RYR1: variants seen among roughly 807,000 people sequenced by gnomAD.
The protein encoded by RYR1 is ryanodine receptor 1, also known as central core disease of muscle.
RYR1 carries 342 observed loss-of-function variants against 583.5 expected under a neutral mutation model. The ratio of observed to expected loss-of-function variants is 0.59; its 90% CI spans 0.54 to 0.64. The LOEUF (loss-of-function observed/expected upper bound fraction) is 0.64. RYR1 is among the 30% of genes least tolerant of loss of function. The pLI, the probability that RYR1 is intolerant of heterozygous loss-of-function variation, is 0.00. For missense variants in RYR1, 6,032 were observed against 6,917.2 expected (o/e 0.87, Z 4.54); for synonymous variants, 2,791 against 2,822.5 (o/e 0.99, Z 0.35).
chr19:38,529,948 G>T (rs1971656506), intron 76 of RYR1, among the ~76,000 whole-genome samples: 1 of 152,020 alleles, frequency 6.6e-6, no homozygotes, highest in Admixed American at 6.6e-5. Context: ...GGGAATGAAG[G>T]CACAGGGATT....
chr19:38,526,973 G>A lies in RYR1; in HGVS notation c.10627-20G>A. The A allele has an allele frequency of 6.2e-7, 1 of 1,613,716 alleles. No individual in the cohort carries two copies. Among genetic ancestry groups the A allele is most frequent in the Middle Eastern group, 1.7e-4 (1 of 6,036 alleles). ...AGGATGGGACCTCCAGAGTGACCCA[G>A]CCTGGCTCTGTCTCCCCAGAAAGAC... On this transcript the variant is annotated intron_variant, in intron 71 of 105. Transcript: ENST00000359596.
At position 38,457,665 on chromosome 19, in the gene RYR1, A is replaced by G. The variant is rs549728913; in HGVS notation, c.1925+35A>G. On this transcript the variant is annotated intron_variant, in intron 17 of 105. Coordinates refer to ENST00000359596, the MANE Select transcript of RYR1 (RefSeq NM_000540.3). ...TCAACATCTGACCCCAGAACTCAGA[A>G]CCTCTCAACCCTCTCCCTGACTTAG... is the stretch of plus-strand genomic sequence containing the variant. 3.9e-5 allele frequency: 63 copies of G among 1,605,984 alleles called. No individual in the cohort carries two copies. In the African/African-American group the frequency reaches 6.2e-4, roughly 16 times the overall value.
chr19:38,453,652 G>A (rs980798581), intron 13 of RYR1, among the ~76,000 whole-genome samples: 3 of 151,746 alleles, frequency 2.0e-5, no homozygotes, highest in East Asian at 1.9e-4. Flanking sequence ...GAAAAATTCA[G>A]CAGGTAAGGG....
Position 38,444,566 on chromosome 19 carries a change from CA to C in RYR1, c.538-17del, listed in dbSNP as rs776325219. The C allele has an allele frequency of 6.2e-7, 1 of 1,610,076 alleles. No homozygotes were observed. The highest frequency in any genetic ancestry group is 1.1e-5 in the South Asian group (1 of 90,660). On this transcript the variant is annotated splice_polypyrimidine_tract_variant and intron_variant, in intron 6 of 105. Transcript: ENST00000359596. This position sits in a 1 kb window ranked among gnomAD's most constrained non-coding sequence, Gnocchi z 5.1. ...CCCCTGCAATCGTCTCTGACTGCCG[CA>C]TCCTGGTGGCCCCCAGCACCTGTCG...
rs1314300590 is a variant in RYR1, at chr19:38,565,555, T to C, written c.13221T>C (p.Gly4407=). ...AGPGGDADGE[G]ASEGAGDAAE... is the part of the protein sequence containing the mutation. ...CGGGCGGAGACGCAGACGGCGAGGG[T>C]GCCAGCGAGGGCGCTGGAGACGCCG... The change falls in exon 91 of 106, where the codon GGT becomes GGC. Residue 4407 remains glycine, a synonymous_variant. Coordinates refer to ENST00000359596, the MANE Select transcript of RYR1 (RefSeq NM_000540.3). The surrounding 1 kb of genome is among the most constrained non-coding windows in gnomAD (Gnocchi z 4.7). 3.4e-6 allele frequency: 5 copies of C among 1,482,020 alleles called. No individual in the cohort carries two copies. Among genetic ancestry groups the C allele is most frequent in the Non-Finnish European group, 8.9e-7 (1 of 1,122,850 alleles). The allele number at this position is 1,482,020 out of a possible 1,614,324, so 91.8% of individuals were successfully genotyped here.
chr19:38,536,086 G>T lies in RYR1; in HGVS notation c.11590+16G>T, dbSNP rs747087734. 6.2e-7 allele frequency: 1 copy of T among 1,606,106 alleles called. No homozygotes were observed. Among genetic ancestry groups the T allele is most frequent in the South Asian group, 1.1e-5 (1 of 90,058 alleles). On this transcript the variant is annotated intron_variant, in intron 82 of 105. Transcript: ENST00000359596. ...GATGGCACTGGTGAGGCCCTCCCTT[G>T]GGCTTCCCACCCCCTGAGACATCTT...
intron 58 of RYR1, 54 bp downstream of exon 58, chr19:38,507,881 G>A: frequency 8.9e-7 from 1 of 1,124,422 alleles, no homozygotes; most frequent in Non-Finnish European, 1.4e-6. Context: ...CACCAGTTCT[G>A]CAGACCAGAC....
chr19:38,568,510 C>A (rs779472766), intron 93 of RYR1, among the ~76,000 whole-genome samples: 1 of 147,364 alleles, frequency 6.8e-6, no homozygotes, highest in Non-Finnish European at 1.5e-5. Flanking sequence ...CCGAGGCAGG[C>A]GGATCGCCTG....
Position 38,463,753 on chromosome 19 carries a change from G to A in RYR1, c.2689G>A (p.Asp897Asn), listed in dbSNP as rs1201573826. ...GACCCTGGGTTTTCTCCAGGTTCGG[G>A]ATGACAACAAGAGGCTGCACCCGTG... ...EQGWTYGPVRDDNKRLHPCLV... is the reference protein window; with the variant it reads ...EQGWTYGPVRNDNKRLHPCLV... Residue 897 changes from aspartate (D) to asparagine (N), a missense_variant, in exon 22 of 106, where the codon GAT becomes AAT. This residue lies in a region of RYR1 where 2,627 missense variants were observed against 2,961.3 expected (regional missense o/e 0.89). Transcript: ENST00000359596. The A allele has an allele frequency of 1.9e-6, 3 of 1,614,118 alleles. No homozygotes were observed. Among genetic ancestry groups the A allele is most frequent in the Non-Finnish European group, 2.5e-6 (3 of 1,180,006 alleles).
chr19:38,499,039 G>A lies in RYR1; in HGVS notation c.6892-69G>A, dbSNP rs1969974640. On this transcript the variant is annotated intron_variant, in intron 42 of 105. Coordinates refer to ENST00000359596, the MANE Select transcript of RYR1 (RefSeq NM_000540.3). The surrounding 1 kb of genome is among the most constrained non-coding windows in gnomAD (Gnocchi z 7.3). ...GAGCCGCAGGGCAGGGCAGGGCAGG[G>A]CAGAGGGCTGAGCCCCAGGAGGAAG... is the stretch of plus-strand genomic sequence containing the variant. 4 of 1,596,770 alleles carry A rather than the reference G, an allele frequency of 2.5e-6. No individual in the cohort carries two copies. The highest frequency in any genetic ancestry group is 1.1e-5 in the South Asian group (1 of 89,048).
At chr19:38,506,182 G>A in intron 54 of RYR1, 121 bp from the exon 55 acceptor site, 2 of 1,138,538 alleles carry the variant, frequency 1.8e-6, no homozygotes, top group Non-Finnish European at 2.6e-6. Context: ...GAAAGGACAA[G>A]GGGTCTTGAG....
At chr19:38,492,725 G>A (rs1475819285) in intron 38 of RYR1, 89 bp downstream of exon 38, 2 of 1,386,426 alleles carry the variant, frequency 1.4e-6, no homozygotes, top group Non-Finnish European at 2.0e-6. Context: ...AGGGCATGAG[G>A]ACAGATGCAA....
chr19:38,443,461 C>A, intron 3 of RYR1, 97 bp from the exon 4 acceptor site: 1 of 1,077,646 alleles, frequency 9.3e-7, no homozygotes, highest in Non-Finnish European at 1.4e-6. Flanking sequence ...TGGTATTTTA[C>A]AGGGAGCATC....
chr19:38,580,372 G>A lies in RYR1; in HGVS notation c.14514G>A (p.Leu4838=), dbSNP rs1974145095. 3.7e-6 allele frequency: 6 copies of A among 1,614,060 alleles called. No individual in the cohort carries two copies. Among genetic ancestry groups the A allele is most frequent in the Middle Eastern group, 1.7e-4 (1 of 6,058 alleles). The part of the protein sequence containing the change: ...LSSVTHNGKQ[L]VMTVGLLAVV... ...ACCTGGCCCCATCCTGCCCCCAGCT[G>A]GTGATGACCGTGGGCCTTCTGGCGG... Residue 4838 remains leucine (L), a splice_region_variant and synonymous_variant, in exon 101 of 106, where the codon CTG becomes CTA. Transcript: ENST00000359596.
chr19:38,561,056 AAG>A lies in RYR1; in HGVS notation c.12283-49_12283-48del, dbSNP rs200718174. 3.2e-5 allele frequency: 45 copies of A among 1,404,690 alleles called. No homozygotes were observed. The highest frequency in any genetic ancestry group is 3.2e-5 in the Non-Finnish European group (33 of 1,022,598). 87.0% of individuals were successfully genotyped at this position (1,404,690 alleles called of 1,614,324 possible). On this transcript the variant is annotated intron_variant, in intron 89 of 105. Coordinates refer to ENST00000359596, the MANE Select transcript of RYR1 (RefSeq NM_000540.3). This position sits in a 1 kb window ranked among gnomAD's most constrained non-coding sequence, Gnocchi z 4.8. The stretch of plus-strand genomic sequence containing the variant: ...ACCTTGTCTTAAAAAAAAAAAAAAA[AAG>A]AGAGAGAATTGAGGCTCTCCAGGTC...
In RYR1 at chr19:38,510,645, C is replaced by A. The variant is rs372702492; in HGVS notation, c.9001-15C>A. 136 of 1,614,050 alleles carry A rather than the reference C, an allele frequency of 8.4e-5. No homozygotes were observed. The highest frequency in any genetic ancestry group is 1.1e-4 in the Non-Finnish European group (129 of 1,180,042). On this transcript the variant is annotated splice_polypyrimidine_tract_variant and intron_variant, in intron 59 of 105. Coordinates refer to ENST00000359596, the MANE Select transcript of RYR1 (RefSeq NM_000540.3). ...CCCCTCATTGGACCCTTTATCTCCCCCAACCCGTCTCCAGATCCTGCTCCC... is the reference window on the plus strand; with the variant it reads ...CCCCTCATTGGACCCTTTATCTCCCACAACCCGTCTCCAGATCCTGCTCCC...
At chr19:38,511,681 G>T in intron 61 of RYR1, 71 bp downstream of exon 61, 1 of 1,537,240 alleles carries the variant, frequency 6.5e-7, no homozygotes, top group African/African-American at 1.4e-5. Flanking sequence ...ATAGCTCCCA[G>T]GTTCTGCCTT....
Position 38,440,788 on chromosome 19 carries a change from A to T in RYR1, c.89A>T (p.Glu30Val), listed in dbSNP as rs145771708. The T allele has an allele frequency of 1.8e-4, 293 of 1,609,096 alleles. No homozygotes were observed. Among genetic ancestry groups the T allele is most frequent in the Non-Finnish European group, 6.4e-5 (76 of 1,178,786 alleles). The change falls in exon 2 of 106, where the codon GAG becomes GTG. Residue 30 changes from glutamate to valine, a missense_variant. Around this residue, in one of 11 missense-constraint regions of RYR1, gnomAD observed 71 missense variants for 75.3 expected, o/e 0.94. Coordinates refer to ENST00000359596, the MANE Select transcript of RYR1 (RefSeq NM_000540.3). ...VLQCSATVLK[E>V]QLKLCLAAEG... Reference sequence around the variant, plus strand: ...CAGTGCAGCGCTACCGTGCTCAAGGAGCAGCTCAAGCTCTGCCTGGCCGCC... The same window carrying T: ...CAGTGCAGCGCTACCGTGCTCAAGGTGCAGCTCAAGCTCTGCCTGGCCGCC...
At position 38,499,005 on chromosome 19, in the gene RYR1, C is replaced by T. The variant is rs1216343248; in HGVS notation, c.6892-103C>T. On this transcript the variant is annotated intron_variant, in intron 42 of 105. Transcript: ENST00000359596. This position sits in a 1 kb window ranked among gnomAD's most constrained non-coding sequence, Gnocchi z 7.3. The stretch of plus-strand genomic sequence containing the variant: ...ATGGGCCGAGGGATCAGAGCTGAAC[C>T]GGACTGAGGAGCCGCAGGGCAGGGC... The T allele has an allele frequency of 7.4e-6, 11 of 1,488,060 alleles. No individual in the cohort carries two copies. The highest frequency in any genetic ancestry group is 5.0e-5 in the South Asian group (4 of 79,676). 92.2% of individuals were successfully genotyped at this position (1,488,060 alleles called of 1,614,324 possible). A position where few individuals can be genotyped will look rare whatever the true frequency, so the allele number is the denominator to read the frequency against.
Sources: allele counts gnomAD v4.1 joint callset (sites outside exome capture counted in the v4.1 genomes callset), GRCh38; gene constraint gnomAD v4.1.1; regional missense constraint gnomAD v4.1.1; non-coding constraint Gnocchi (gnomAD v3.1); transcripts MANE v1.5; gene names NCBI Gene and HGNC (gene_info 2026-07-23, HGNC 2026-07-21).